SNX9: variants seen among roughly 807,000 people sequenced by gnomAD.
The protein encoded by SNX9 is sorting nexin-9.
SNX9 carries 44 observed loss-of-function variants against 89.4 expected under a neutral mutation model. The observed-to-expected ratio is 0.49, with a 90% CI of 0.39 to 0.63. SNX9 has a LOEUF of 0.63. Ranked by LOEUF, SNX9 falls within the 30% of genes least tolerant of loss-of-function variation. SNX9 has a pLI of 0.00. For synonymous variants in SNX9, 236 were observed against 247.8 expected (o/e 0.95, Z 0.45); for missense variants, 578 against 736.1 (o/e 0.79, Z 2.49).
intron 14 of SNX9, 124 bp from the exon 15 acceptor site, chr6:157,937,310 T>C (rs1783945884): frequency 3.6e-6 from 2 of 556,528 alleles, no homozygotes; most frequent in Admixed American, 6.3e-5. Flanking sequence ...GTGATCTGAA[T>C]GCTTAACACT....
At chr6:157,826,838 ATATT>A (rs1299646866) in intron 1 of SNX9, among the ~76,000 whole-genome samples, 3 of 82,946 alleles carry the variant, frequency 3.6e-5, no homozygotes, top group Admixed American at 3.1e-4. Context: ...TTTTATATAT[ATATT>A]ATATTTTATA....
At chr6:157,907,542 C>G (rs1256068882) in intron 7 of SNX9, among the ~76,000 whole-genome samples, 1 of 152,180 alleles carries the variant, frequency 6.6e-6, no homozygotes, top group Non-Finnish European at 1.5e-5. Flanking sequence ...CATTGGCCTC[C>G]CAAAGTGCTG....
intron 15 of SNX9, 119 bp from the exon 16 acceptor site, chr6:157,938,514 G>A: frequency 3.4e-6 from 2 of 596,646 alleles, no homozygotes; most frequent in East Asian, 2.9e-5. Flanking sequence ...TTCTTATTTT[G>A]TGGAGGTATT....
intron 1 of SNX9, among the ~76,000 whole-genome samples, chr6:157,844,595 T>C (rs145103756): frequency 3.8e-5 from 5 of 129,978 alleles, no homozygotes; most frequent in African/African-American, 1.2e-4. Flanking sequence ...TTGTTTTTTT[T>C]TTTTGTTTTT....
At chr6:157,851,194 G>C (rs1410604691) in intron 1 of SNX9, among the ~76,000 whole-genome samples, 1 of 151,302 alleles carries the variant, frequency 6.6e-6, no homozygotes, top group Non-Finnish European at 1.5e-5. Context: ...GGAGGTGGAG[G>C]CTACAGTGAG....
Position 157,897,013 on chromosome 6 carries a change from G to A in SNX9, c.472+15G>A, listed in dbSNP as rs775051913. ...CCAAGGACCAGGTGAGGAGAGGGGTGCAAGGTCCCACCCTGCCCGCCCATG... is the reference window on the plus strand; with the variant it reads ...CCAAGGACCAGGTGAGGAGAGGGGTACAAGGTCCCACCCTGCCCGCCCATG... On this transcript the variant is annotated intron_variant, in intron 5 of 17. Coordinates refer to ENST00000392185, the MANE Select transcript of SNX9 (RefSeq NM_016224.5). 1.9e-6 allele frequency: 3 copies of A among 1,570,126 alleles called. No homozygotes were observed. In the South Asian group the frequency reaches 3.6e-5, roughly 19 times the overall value.
At chr6:157,910,950 T>G (rs1783328582) in intron 9 of SNX9, among the ~76,000 whole-genome samples, 1 of 151,966 alleles carries the variant, frequency 6.6e-6, no homozygotes, top group Non-Finnish European at 1.5e-5. Context: ...TGTAACCCTG[T>G]CTCTACTAAA....
chr6:157,906,086 A>G, intron 6 of SNX9, 42 bp from the exon 7 acceptor site: 1 of 1,534,678 alleles, frequency 6.5e-7, no homozygotes, highest in Non-Finnish European at 8.9e-7. Flanking sequence ...AATTCTTACA[A>G]GGAAAGTCTT....
chr6:157,838,242 G>A (rs1781623430), intron 1 of SNX9, among the ~76,000 whole-genome samples: 1 of 151,960 alleles, frequency 6.6e-6, no homozygotes, highest in African/African-American at 2.4e-5. Flanking sequence ...TGAACTCCTG[G>A]GCTCAAGCAG....
At chr6:157,932,758 T>C (rs1583245797) in intron 13 of SNX9, among the ~76,000 whole-genome samples, 2 of 150,204 alleles carry the variant, frequency 1.3e-5, no homozygotes, top group East Asian at 3.9e-4. Context: ...TTGCAACTAT[T>C]TGGGAGGCTG....
intron 4 of SNX9, among the ~76,000 whole-genome samples, chr6:157,895,974 G>A (rs1340427437): frequency 3.9e-5 from 6 of 152,122 alleles, no homozygotes; most frequent in African/African-American, 1.4e-4. Context: ...TAACCCTTAC[G>A]AAAAAGTAAC....
In SNX9 at chr6:157,823,482, C is replaced by A; in HGVS notation, c.12+36C>A. The A allele has an allele frequency of 1.7e-6, 2 of 1,182,788 alleles. No individual in the cohort carries two copies. The highest frequency in any genetic ancestry group is 3.5e-4 in the Middle Eastern group (1 of 2,890). The allele number at this position is 1,182,788 out of a possible 1,614,324, so 73.3% of individuals were successfully genotyped here. A position where few individuals can be genotyped will look rare whatever the true frequency, so the allele number is the denominator to read the frequency against. ...CGCGGCGCAGGCCGGGCCGGTCGCT[C>A]AGGCCCGGGGCGGCGCGGAGAGGGT... On this transcript the variant is annotated intron_variant, in intron 1 of 17. Coordinates refer to ENST00000392185, the MANE Select transcript of SNX9 (RefSeq NM_016224.5). The surrounding 1 kb of genome is among the most constrained non-coding windows in gnomAD (Gnocchi z 4.6).
chr6:157,841,457 T>C (rs577661692), intron 1 of SNX9, among the ~76,000 whole-genome samples: 5 of 152,178 alleles, frequency 3.3e-5, no homozygotes, highest in African/African-American at 1.2e-4. Context: ...AGAGAGAGAT[T>C]GAGACCTACC....
intron 1 of SNX9, among the ~76,000 whole-genome samples, chr6:157,847,558 ATTG>A (rs1781829032): frequency 6.6e-6 from 1 of 151,666 alleles, no homozygotes; most frequent in African/African-American, 2.4e-5. Context: ...ATCCATTTCG[ATTG>A]TTGAGTTTTT....
intron 5 of SNX9, among the ~76,000 whole-genome samples, chr6:157,900,572 C>T (rs13216673): frequency 6.6e-6 from 1 of 151,962 alleles, no homozygotes; most frequent in Non-Finnish European, 1.5e-5. Flanking sequence ...CTGGATATAC[C>T]AGCATTTATT....
chr6:157,925,450 T>C (rs572237257), intron 10 of SNX9, among the ~76,000 whole-genome samples: 2 of 152,116 alleles, frequency 1.3e-5, no homozygotes, highest in South Asian at 2.1e-4. Flanking sequence ...TTGAACCCTC[T>C]CATATGACCT....
chr6:157,830,278 T>C (rs1781456393), intron 1 of SNX9: 1 of 152,248 alleles, frequency 6.6e-6, no homozygotes, highest in Non-Finnish European at 1.5e-5. Context: ...GGTAAATCTC[T>C]TATATGTCTC....
At chr6:157,858,747 A>G (rs527800266) in intron 1 of SNX9, among the ~76,000 whole-genome samples, 3 of 152,320 alleles carry the variant, frequency 2.0e-5, no homozygotes, top group Admixed American at 6.5e-5. Flanking sequence ...ATCATGGTGG[A>G]AGGCAAAGGA....
intron 4 of SNX9, among the ~76,000 whole-genome samples, chr6:157,896,308 G>C (rs974487832): frequency 1.3e-5 from 2 of 152,130 alleles, no homozygotes; most frequent in Non-Finnish European, 2.9e-5. Flanking sequence ...AAATTAAAAA[G>C]CCTACTTAAA....
Sources: gnomAD v4.1 joint callset for allele counts (sites outside exome capture counted in the v4.1 genomes callset) on GRCh38, gnomAD v4.1.1 for gene constraint, Gnocchi (gnomAD v3.1) non-coding constraint, MANE v1.5 for transcripts, NCBI Gene and HGNC (gene_info 2026-07-23, HGNC 2026-07-21) for gene names.